FAM83G: variants seen among roughly 807,000 people sequenced by gnomAD.
FAM83G encodes protein FAM83G.
Under a neutral mutation model 61.5 loss-of-function variants are expected in FAM83G, and 38 were observed. The observed-to-expected ratio is 0.62, with a 90% CI of 0.48 to 0.81. FAM83G has a LOEUF of 0.81. Among genes scored for constraint, FAM83G ranks in the 30% least tolerant of loss-of-function variants. FAM83G has a pLI of 0.00. For missense variants in FAM83G, 989 were observed against 1,133.6 expected, an observed-to-expected ratio of 0.87 and a Z score of 1.83; for synonymous variants, 470 against 476.1, an observed-to-expected ratio of 0.99 and a Z score of 0.17.
Position 19,004,199 on chromosome 17 carries a change from G to A in FAM83G, c.-128-30C>T. The A allele has an allele frequency of 1.6e-6, 1 of 639,952 alleles. No homozygotes were observed. Among genetic ancestry groups the A allele is most frequent in the Non-Finnish European group, 2.5e-6 (1 of 403,814 alleles). 39.6% of individuals were successfully genotyped at this position (639,952 alleles called of 1,614,324 possible). On this transcript the variant is annotated intron_variant, in intron 1 of 5. Coordinates refer to ENST00000388995, the MANE Select transcript of FAM83G (RefSeq NM_001039999.3). This position sits in a 1 kb window ranked among gnomAD's most constrained non-coding sequence, Gnocchi z 5.4. ...GGGAAAGACCTGATGAGCCCGGCTCGGCGGGGAGGGCGGGCCGCGCGGGGA... is the reference window on the plus strand; with the variant it reads ...GGGAAAGACCTGATGAGCCCGGCTCAGCGGGGAGGGCGGGCCGCGCGGGGA...
chr17:18,971,487 G>C lies in FAM83G; in HGVS notation c.2344C>G (p.Pro782Ala), dbSNP rs1343329545. Residue 782 changes from proline to alanine, a missense_variant, in exon 6 of 6, where the codon CCC becomes GCC. This residue lies in a region of FAM83G where 574 missense variants were observed against 645.1 expected (regional missense o/e 0.89). Coordinates refer to ENST00000388995, the MANE Select transcript of FAM83G (RefSeq NM_001039999.3). This position sits in a 1 kb window ranked among gnomAD's most constrained non-coding sequence, Gnocchi z 5.5. Reference protein sequence around the residue: ...DGRATEEHPSPFGIPYSKLSQ... With the variant: ...DGRATEEHPSAFGIPYSKLSQ... ...AGTTTGGAGTATGGGATTCCGAAGG[G>C]ACTCGGATGCTCCTCGGTGGCCCTG... is the stretch of plus-strand genomic sequence containing the variant. 1.2e-6 allele frequency: 2 copies of C among 1,613,920 alleles called. No individual in the cohort carries two copies. The highest frequency in any genetic ancestry group is 3.3e-5 in the Admixed American group (2 of 60,008).
intron 5 of FAM83G, chr17:18,976,552 A>C (rs993940171): frequency 5.4e-6 from 2 of 368,162 alleles, no homozygotes; most frequent in Non-Finnish European, 9.9e-6. Flanking sequence ...GGTCTCCTCC[A>C]GCCCTGACAA....
In FAM83G at chr17:18,985,664, G is replaced by A. The variant is rs1233265265; in HGVS notation, c.690+2583C>T. Among the ~76,000 whole-genome samples the A allele has an allele frequency of 6.6e-5, 10 of 152,368 alleles. No individual in the cohort carries two copies. The East Asian group carries it at 7.7e-4, about 12-fold the overall frequency. On this transcript the variant is annotated intron_variant, in intron 3 of 5. Transcript: ENST00000388995. Reference sequence around the variant, plus strand: ...GGCCTCTGGCCACCCGCCCAGGGCTGTAGAAGGGCAAGCTCAGAGGCGAGA... The same window carrying A: ...GGCCTCTGGCCACCCGCCCAGGGCTATAGAAGGGCAAGCTCAGAGGCGAGA...
intron 2 of FAM83G, among the ~76,000 whole-genome samples, chr17:18,993,009 G>A (rs1349824717): frequency 5.9e-5 from 9 of 152,180 alleles, no homozygotes; most frequent in African/African-American, 2.2e-4. Flanking sequence ...AAGTGCCCTC[G>A]CAGGACGAGT....
At chr17:19,005,383 T>A (rs1162809377), upstream of FAM83G, among the ~76,000 whole-genome samples, 1 of 149,730 alleles carries the variant, frequency 6.7e-6, no homozygotes, top group Non-Finnish European at 1.5e-5. Flanking sequence ...CTGCTGAGCG[T>A]CCCCTGGGGT....
At position 19,004,210 on chromosome 17, in the gene FAM83G, CGGGCCGCGCGGGGA is replaced by C; in HGVS notation, c.-128-55_-128-42del. 5.6e-6 allele frequency: 1 copy of C among 177,686 alleles called. No homozygotes were observed. 11.0% of individuals were successfully genotyped at this position (177,686 alleles called of 1,614,324 possible). On this transcript the variant is annotated intron_variant, in intron 1 of 5. Coordinates refer to ENST00000388995, the MANE Select transcript of FAM83G (RefSeq NM_001039999.3). The surrounding 1 kb of genome is among the most constrained non-coding windows in gnomAD (Gnocchi z 5.4). ...GATGAGCCCGGCTCGGCGGGGAGGG[CGGGCCGCGCGGGGA>C]GGGGCGGCGGGGGCGGGGCCGGGAA...
At chr17:18,988,555 G>A (rs1474078007) in intron 2 of FAM83G, 141 bp from the exon 3 acceptor site, 12 of 1,394,884 alleles carry the variant, frequency 8.6e-6, no homozygotes, top group South Asian at 5.7e-5. Flanking sequence ...CCTCAGGCCC[G>A]GGACCAGGAA....
Position 18,978,521 on chromosome 17 carries a change from G to A in FAM83G, c.1145C>T (p.Ala382Val), listed in dbSNP as rs762745473. The change falls in exon 5 of 6, where the codon GCT becomes GTT. Residue 382 changes from alanine to valine, a missense_variant. Transcript: ENST00000388995. ...KPLGLKGPAL[A>V]EHPGELPELL... is the part of the protein sequence containing the mutation. ...CTCGGGGAGTTCCCCTGGATGCTCA[G>A]CCAGCGCTGGGCCTTTCAGCCCCAG... The A allele has an allele frequency of 9.9e-6, 16 of 1,613,166 alleles. No homozygotes were observed. In the East Asian group the frequency reaches 2.9e-4, roughly 29 times the overall value.
chr17:18,971,829 G>T lies in FAM83G; in HGVS notation c.2083-81C>A. 1.4e-6 allele frequency: 2 copies of T among 1,462,584 alleles called. No homozygotes were observed. Among genetic ancestry groups the T allele is most frequent in the Non-Finnish European group, 1.8e-6 (2 of 1,097,166 alleles). 90.6% of individuals were successfully genotyped at this position (1,462,584 alleles called of 1,614,324 possible). Reference sequence around the variant, plus strand: ...GCACAGGACCCTGCTCAGGCACACAGGAGCCGGCAGGCCCGGGTTCGCCTC... The same window carrying T: ...GCACAGGACCCTGCTCAGGCACACATGAGCCGGCAGGCCCGGGTTCGCCTC... On this transcript the variant is annotated intron_variant, in intron 5 of 5. Transcript: ENST00000388995. The surrounding 1 kb of genome is among the most constrained non-coding windows in gnomAD (Gnocchi z 5.5).
At chr17:18,981,125 G>A (rs1218672906) in intron 3 of FAM83G, among the ~76,000 whole-genome samples, 2 of 152,214 alleles carry the variant, frequency 1.3e-5, no homozygotes, top group African/African-American at 4.8e-5. Flanking sequence ...CCTGGGAGGT[G>A]AAGGGGAGGC....
At chr17:18,982,589 G>C (rs982590047) in intron 3 of FAM83G, among the ~76,000 whole-genome samples, 2 of 152,202 alleles carry the variant, frequency 1.3e-5, no homozygotes, top group Non-Finnish European at 2.9e-5. Flanking sequence ...CAGGGCAGGG[G>C]AGGACGGCCG....
intron 3 of FAM83G, among the ~76,000 whole-genome samples, chr17:18,981,980 C>G (rs1195144814): frequency 6.6e-6 from 1 of 152,218 alleles, no homozygotes; most frequent in Admixed American, 6.5e-5. Context: ...GGCTCCTGGC[C>G]CGGCCACAGA....
chr17:18,997,907 G>A (rs2043608778), intron 2 of FAM83G, among the ~76,000 whole-genome samples: 1 of 152,202 alleles, frequency 6.6e-6, no homozygotes, highest in Non-Finnish European at 1.5e-5. Flanking sequence ...AAATCTCACT[G>A]ACTTTATGAG....
chr17:18,980,957 T>C (rs1397295035), intron 3 of FAM83G, among the ~76,000 whole-genome samples: 3 of 152,170 alleles, frequency 2.0e-5, no homozygotes, highest in Admixed American at 6.5e-5. Context: ...GGCTTCTGGC[T>C]CTCGGCTATG....
intron 5 of FAM83G, chr17:18,976,463 A>C: frequency 1.1e-5 from 2 of 174,002 alleles, no homozygotes; most frequent in Non-Finnish European, 2.4e-5. Flanking sequence ...TGCTCCTGGC[A>C]CTATAAATGT....
chr17:18,977,351 T>C, intron 5 of FAM83G: 1 of 585,982 alleles, frequency 1.7e-6, no homozygotes, highest in South Asian at 2.2e-5. Context: ...TGCATTTTCT[T>C]AGGTTGCCTT....
In FAM83G at chr17:18,977,701, G is replaced by C; in HGVS notation, c.1965C>G (p.Thr655=). The change falls in exon 5 of 6, where the codon ACC becomes ACG. Residue 655 remains threonine (T), a synonymous_variant. Coordinates refer to ENST00000388995, the MANE Select transcript of FAM83G (RefSeq NM_001039999.3). ...CCTGGGGTCCAACAAAGGTCCCTCGGGTTATATGGGGGGCACTCAGCTGCC... is the reference window on the plus strand; with the variant it reads ...CCTGGGGTCCAACAAAGGTCCCTCGCGTTATATGGGGGGCACTCAGCTGCC... ...PRRQLSAPHI[T]RGTFVGPQGG... The C allele has an allele frequency of 1.9e-6, 3 of 1,610,338 alleles. No homozygotes were observed. The highest frequency in any genetic ancestry group is 1.7e-6 in the Non-Finnish European group (2 of 1,179,512).
chr17:18,971,533 A>G lies in FAM83G; in HGVS notation c.2298T>C (p.Asn766=), dbSNP rs1433088393. The G allele has an allele frequency of 6.2e-7, 1 of 1,613,762 alleles. No homozygotes were observed. The highest frequency in any genetic ancestry group is 1.7e-5 in the Admixed American group (1 of 60,020). The change falls in exon 6 of 6, where the codon AAT becomes AAC. Residue 766 remains asparagine, a synonymous_variant. Coordinates refer to ENST00000388995, the MANE Select transcript of FAM83G (RefSeq NM_001039999.3). The surrounding 1 kb of genome is among the most constrained non-coding windows in gnomAD (Gnocchi z 5.5). ...PDPGSPRLAQ[N]ARPMTDGRAT... ...CCCTGCCATCGGTCATGGGGCGGGC[A>G]TTTTGGGCCAGTCTTGGGCTGCCGG...
Position 18,971,733 on chromosome 17 carries a change from G to T in FAM83G, c.2098C>A (p.His700Asn). Residue 700 changes from histidine (H) to asparagine (N), a missense_variant, in exon 6 of 6, where the codon CAT becomes AAT. His to Asn is a moderately conservative substitution (Grantham distance 68). This residue lies in a region of FAM83G where 574 missense variants were observed against 645.1 expected (regional missense o/e 0.89). Transcript: ENST00000388995. The surrounding 1 kb of genome is among the most constrained non-coding windows in gnomAD (Gnocchi z 5.5). ...GTCCCTGAGGCAGGGACCCTGTGATGATGAAACTGCTGGCCCTGGGAGAGA... is the reference window on the plus strand; with the variant it reads ...GTCCCTGAGGCAGGGACCCTGTGATTATGAAACTGCTGGCCCTGGGAGAGA... ...DKEAQGQQFH[H>N]HRVPASGTRD... 1 of 1,571,400 alleles carries T rather than the reference G, an allele frequency of 6.4e-7. No individual in the cohort carries two copies. The highest frequency in any genetic ancestry group is 1.2e-5 in the South Asian group (1 of 85,254).
Sources: gnomAD v4.1 joint callset for allele counts (sites outside exome capture counted in the v4.1 genomes callset) on GRCh38, gnomAD v4.1.1 for gene constraint, gnomAD v4.1.1 regional missense constraint, Gnocchi (gnomAD v3.1) non-coding constraint, MANE v1.5 for transcripts, NCBI Gene and HGNC (gene_info 2026-07-23, HGNC 2026-07-21) for gene names.